The following GPC6 variants were observed in gnomAD, a reference collection of about 807,000 sequenced individuals.
GPC6 encodes the protein glypican-6.
A neutral mutation model predicts 55.2 loss-of-function variants in GPC6; 14 were observed. That is an observed-to-expected ratio of 0.25 (90% confidence interval 0.17 to 0.40). The LOEUF is 0.40. Among genes scored for constraint, GPC6 ranks in the 10% least tolerant of loss-of-function variants. The probability of loss-of-function intolerance (pLI) is 1.00; values close to 1 mark genes in which losing one functional copy is unlikely to be tolerated. For missense variants in GPC6, 641 were observed against 708.5 expected (o/e 0.90, Z 1.08); for synonymous variants, 278 against 259.6 (o/e 1.07, Z -0.68).
intron 3 of GPC6, among the ~76,000 whole-genome samples, chr13:93,949,181 A>T (rs543423464): frequency 4.5e-4 from 68 of 152,330 alleles, no homozygotes; most frequent in African/African-American, 1.6e-3. Context: ...ATTTCAAAAA[A>T]ATGTTTGTTT....
chr13:93,245,931 A>G (rs914281391), intron 1 of GPC6, among the ~76,000 whole-genome samples: 5 of 152,218 alleles, frequency 3.3e-5, no homozygotes, highest in Non-Finnish European at 7.3e-5. Context: ...TGGGCTCTCC[A>G]CATTGCTTTA....
intron 3 of GPC6, among the ~76,000 whole-genome samples, chr13:93,866,666 G>A (rs1046534349): frequency 5.3e-5 from 8 of 151,698 alleles, no homozygotes; most frequent in Non-Finnish European, 1.2e-4. Context: ...GAAGCTAAAT[G>A]ATGAGAACAC....
At chr13:93,569,964 C>T (rs9584134) in intron 2 of GPC6, among the ~76,000 whole-genome samples, 3,087 of 152,160 alleles carry the variant, frequency 0.02, 103 homozygotes, top group African/African-American at 0.071. Context: ...TTAATTGAAT[C>T]GGTCATTACT....
At chr13:93,425,759 A>G (rs1031222255) in intron 1 of GPC6, among the ~76,000 whole-genome samples, 3 of 152,108 alleles carry the variant, frequency 2.0e-5, no homozygotes, top group Admixed American at 2.0e-4. Context: ...ATAAATTCCA[A>G]ACTTCACATA....
chr13:94,227,141 A>G (rs1890583708), intron 4 of GPC6, among the ~76,000 whole-genome samples: 1 of 152,216 alleles, frequency 6.6e-6, no homozygotes, highest in Admixed American at 6.5e-5. Context: ...TTCATACATT[A>G]TCTCATGTGA....
intron 3 of GPC6, among the ~76,000 whole-genome samples, chr13:93,997,965 T>C (rs1392184166): frequency 1.3e-5 from 2 of 152,210 alleles, no homozygotes; most frequent in Admixed American, 6.5e-5. Context: ...TGTTAGACTT[T>C]AACATACTTC....
At chr13:93,321,956 T>G (rs1360732000) in intron 1 of GPC6, among the ~76,000 whole-genome samples, 1 of 152,134 alleles carries the variant, frequency 6.6e-6, no homozygotes, top group African/African-American at 2.4e-5. Context: ...TTCCTCTTCC[T>G]CCCTTCTTCC....
intron 3 of GPC6, among the ~76,000 whole-genome samples, chr13:93,999,091 A>T (rs1216487997): frequency 6.6e-6 from 1 of 152,076 alleles, no homozygotes; most frequent in Non-Finnish European, 1.5e-5. Context: ...CAGTTTTGTT[A>T]CTTAGGTATA....
chr13:94,144,493 G>C (rs1887492464), intron 4 of GPC6, among the ~76,000 whole-genome samples: 1 of 149,470 alleles, frequency 6.7e-6, no homozygotes, highest in African/African-American at 2.5e-5. Context: ...AAGCTTATCT[G>C]TTCAGTTCTT....
intron 4 of GPC6, among the ~76,000 whole-genome samples, chr13:94,193,143 A>G (rs1020189968): frequency 3.3e-5 from 5 of 151,478 alleles, no homozygotes; most frequent in African/African-American, 1.2e-4. Context: ...ACTATTATGA[A>G]TTCAGTCTTC....
At chr13:93,940,120 CATT>C (rs1372679562) in intron 3 of GPC6, among the ~76,000 whole-genome samples, 3 of 152,128 alleles carry the variant, frequency 2.0e-5, no homozygotes, top group South Asian at 2.1e-4. Flanking sequence ...TACCTTGCAT[CATT>C]ATTATTTGTA....
intron 6 of GPC6, among the ~76,000 whole-genome samples, chr13:94,312,704 ACACGCACACGCG>A (rs1876309204): frequency 7.5e-6 from 1 of 133,152 alleles, no homozygotes; most frequent in Middle Eastern, 3.6e-3. Flanking sequence ...ACGAAGACAC[ACACGCACACGCG>A]CACGCACACA....
intron 1 of GPC6, among the ~76,000 whole-genome samples, chr13:93,472,062 T>C (rs1487527439): frequency 6.6e-6 from 1 of 152,248 alleles, no homozygotes; most frequent in Non-Finnish European, 1.5e-5. Flanking sequence ...CTGATTTTTG[T>C]GCATACACAA....
intron 2 of GPC6, among the ~76,000 whole-genome samples, chr13:93,602,094 TAGAAAG>T (rs904068446): frequency 8.5e-5 from 13 of 152,130 alleles, no homozygotes; most frequent in Non-Finnish European, 1.6e-4. Context: ...AATACATAAA[TAGAAAG>T]GGAAAGGTAC....
At chr13:94,133,919 A>G (rs1281684729) in intron 4 of GPC6, among the ~76,000 whole-genome samples, 1 of 152,084 alleles carries the variant, frequency 6.6e-6, no homozygotes, top group African/African-American at 2.4e-5. Flanking sequence ...CACAATGAAT[A>G]CACAAAAACA....
intron 3 of GPC6, among the ~76,000 whole-genome samples, chr13:93,923,324 G>A (rs1014355564): frequency 6.6e-6 from 1 of 152,066 alleles, no homozygotes; most frequent in African/African-American, 2.4e-5. Flanking sequence ...GTAATTGTTC[G>A]GGGAAAAGGG....
intron 6 of GPC6, among the ~76,000 whole-genome samples, chr13:94,344,420 C>T (rs1009878666): frequency 7.9e-5 from 12 of 152,182 alleles, no homozygotes; most frequent in African/African-American, 2.9e-4. Flanking sequence ...ACAATCTCCA[C>T]GAAGCAGTCT....
chr13:94,158,979 C>T (rs1234161544), intron 4 of GPC6, among the ~76,000 whole-genome samples: 1 of 152,124 alleles, frequency 6.6e-6, no homozygotes, highest in Non-Finnish European at 1.5e-5. Context: ...TAACCCAGTA[C>T]CACAACCCTT....
intron 2 of GPC6, among the ~76,000 whole-genome samples, chr13:93,789,517 A>C (rs375679001): frequency 0.076 from 9,975 of 131,356 alleles, 646 homozygotes; most frequent in Non-Finnish European, 0.085. Context: ...CTCTATATAT[A>C]TATATATATA....
Sources: gnomAD v4.1 joint callset for allele counts (sites outside exome capture counted in the v4.1 genomes callset) on GRCh38, gnomAD v4.1.1 for gene constraint, MANE v1.5 for transcripts, NCBI Gene and HGNC (gene_info 2026-07-23, HGNC 2026-07-21) for gene names.